Variants in IFT88 observed in about 807,000 individuals in gnomAD.
IFT88 encodes intraflagellar transport 88, also known as intraflagellar transport protein 88 homolog.
Under a neutral mutation model 119.5 loss-of-function variants are expected in IFT88, and 74 were observed. That is an observed-to-expected ratio of 0.62 (90% CI 0.51 to 0.75). The LOEUF is 0.75. Ranked by LOEUF, IFT88 falls within the 30% of genes least tolerant of loss-of-function variation. The pLI is 0.00. For synonymous variants in IFT88, 279 were observed against 316.7 expected, an observed-to-expected ratio of 0.88 and a Z score of 1.26; for missense variants, 961 against 977.7, an observed-to-expected ratio of 0.98 and a Z score of 0.23.
intron 21 of IFT88, among the ~76,000 whole-genome samples, chr13:20,656,121 T>TAAAAAAAAAAAAAAA (rs2052735925): frequency 4.2e-4 from 1 of 2,374 alleles, no homozygotes; most frequent in African/African-American, 1.1e-3. Context: ...CCTCGTCTCT[T>TAAAAAAAAAAAAAAA]TAAAAAAAAA....
At chr13:20,586,372 T>A (rs1183490657) in intron 3 of IFT88, among the ~76,000 whole-genome samples, 1 of 152,212 alleles carries the variant, frequency 6.6e-6, no homozygotes, top group African/African-American at 2.4e-5. Context: ...TGGACACACT[T>A]AGATATTACA....
intron 10 of IFT88, 42 bp downstream of exon 10, chr13:20,598,795 T>C (rs1421804811): frequency 1.7e-6 from 2 of 1,152,168 alleles, no homozygotes; most frequent in Non-Finnish European, 2.6e-6. Flanking sequence ...TGTAATTCTT[T>C]CGTAGTGTTA....
intron 16 of IFT88, among the ~76,000 whole-genome samples, chr13:20,636,405 A>G (rs887937731): frequency 2.0e-5 from 3 of 152,168 alleles, no homozygotes; most frequent in African/African-American, 7.2e-5. Flanking sequence ...TATTTTCTCT[A>G]AATTCTACCT....
chr13:20,621,301 A>T (rs1438384080), intron 14 of IFT88, among the ~76,000 whole-genome samples: 1 of 152,230 alleles, frequency 6.6e-6, no homozygotes, highest in East Asian at 1.9e-4. Context: ...TTCTGGCCTC[A>T]AGTGATCTGC....
intron 24 of IFT88, among the ~76,000 whole-genome samples, chr13:20,681,876 G>A (rs986579804): frequency 2.6e-5 from 4 of 152,186 alleles, no homozygotes; most frequent in African/African-American, 4.8e-5. Flanking sequence ...AAAACTTTAC[G>A]TTTTGAATAA....
At chr13:20,608,475 A>C (rs1333982308) in intron 13 of IFT88, among the ~76,000 whole-genome samples, 1 of 152,218 alleles carries the variant, frequency 6.6e-6, no homozygotes, top group African/African-American at 2.4e-5. Flanking sequence ...ATTATTCCCC[A>C]AACGGTGTAT....
intron 20 of IFT88, among the ~76,000 whole-genome samples, chr13:20,653,629 G>C (rs1594669131): frequency 6.6e-6 from 1 of 152,110 alleles, no homozygotes; most frequent in Non-Finnish European, 1.5e-5. Flanking sequence ...AGGTTAAGTG[G>C]TTCTCATATG....
chr13:20,620,031 C>CTATTT (rs2046236854), intron 14 of IFT88, among the ~76,000 whole-genome samples: 1 of 152,058 alleles, frequency 6.6e-6, no homozygotes, highest in Non-Finnish European at 1.5e-5. Context: ...GCCCTTGTTT[C>CTATTT]TATTTCTTTG....
At chr13:20,602,742 G>A (rs2042819429) in intron 12 of IFT88, among the ~76,000 whole-genome samples, 1 of 152,100 alleles carries the variant, frequency 6.6e-6, no homozygotes, top group South Asian at 2.1e-4. Context: ...AATTAGCTGG[G>A]TATGGTGGTG....
intron 7 of IFT88, among the ~76,000 whole-genome samples, chr13:20,595,444 A>C (rs1268754815): frequency 6.6e-6 from 1 of 151,528 alleles, no homozygotes; most frequent in African/African-American, 2.4e-5. Flanking sequence ...TGCCTGCCCC[A>C]ACACCTGGCT....
At chr13:20,653,966 G>C in intron 21 of IFT88, 38 bp downstream of exon 21, 1 of 1,330,084 alleles carries the variant, frequency 7.5e-7, no homozygotes. Flanking sequence ...TAGATATTTT[G>C]CTTCTTTCCT....
At chr13:20,638,988 T>G (rs2049448203) in intron 17 of IFT88, among the ~76,000 whole-genome samples, 1 of 152,214 alleles carries the variant, frequency 6.6e-6, no homozygotes, top group Admixed American at 6.5e-5. Flanking sequence ...CAGATTTTGT[T>G]TTTAATAAGC....
chr13:20,579,462 T>A (rs2038110496), intron 2 of IFT88, among the ~76,000 whole-genome samples: 1 of 152,224 alleles, frequency 6.6e-6, no homozygotes, highest in Non-Finnish European at 1.5e-5. Flanking sequence ...TACCAGGGTA[T>A]CGCCAATGTT....
intron 7 of IFT88, among the ~76,000 whole-genome samples, chr13:20,594,013 TGCACCACA>T (rs1175668225): frequency 2.6e-5 from 4 of 151,080 alleles, no homozygotes; most frequent in African/African-American, 9.8e-5. Flanking sequence ...ATCATACCAC[TGCACCACA>T]GCCTGGGTGA....
intron 6 of IFT88, 92 bp from the exon 7 acceptor site, chr13:20,592,243 A>T: frequency 2.2e-6 from 2 of 899,522 alleles, no homozygotes; most frequent in Admixed American, 4.9e-5. Flanking sequence ...AAAGAGGTAA[A>T]TGAAATAGCT....
chr13:20,654,310 G>A (rs1166447096), intron 21 of IFT88, among the ~76,000 whole-genome samples: 5 of 152,188 alleles, frequency 3.3e-5, no homozygotes, highest in Admixed American at 2.6e-4. Flanking sequence ...TGAGAAGCCT[G>A]AGAAAAGCTC....
intron 24 of IFT88, among the ~76,000 whole-genome samples, chr13:20,674,847 G>A (rs1268106514): frequency 6.7e-6 from 1 of 149,748 alleles, no homozygotes; most frequent in Non-Finnish European, 1.5e-5. Flanking sequence ...CCAAGTAGCT[G>A]GGACTACAGG....
At chr13:20,666,677 T>A (rs540611321) in intron 23 of IFT88, among the ~76,000 whole-genome samples, 2 of 152,374 alleles carry the variant, frequency 1.3e-5, no homozygotes, top group South Asian at 4.1e-4. Flanking sequence ...CTCTCATTTT[T>A]TTTCCAGAGT....
chr13:20,665,421 T>C (rs1182618766), intron 23 of IFT88, among the ~76,000 whole-genome samples: 1 of 152,228 alleles, frequency 6.6e-6, no homozygotes, highest in African/African-American at 2.4e-5. Context: ...AGATCCAGTA[T>C]TAAGATCCCA....
Sources: allele counts gnomAD v4.1 joint callset (sites outside exome capture counted in the v4.1 genomes callset), GRCh38; gene constraint gnomAD v4.1.1; transcripts MANE v1.5; gene names NCBI Gene and HGNC (gene_info 2026-07-23, HGNC 2026-07-21).